The following MDGA2 variants were observed in gnomAD, a reference collection of about 807,000 sequenced individuals.
The protein encoded by MDGA2 is MAM domain containing glycosylphosphatidylinositol anchor 2.
Under a neutral mutation model 117.8 loss-of-function variants are expected in MDGA2, and 40 were observed. The ratio of observed to expected loss-of-function variants is 0.34; its 90% CI spans 0.26 to 0.44. The LOEUF (loss-of-function observed/expected upper bound fraction) is 0.44. MDGA2 is among the 20% of genes least tolerant of loss of function. The probability of loss-of-function intolerance (pLI) is 1.00; values close to 1 mark genes in which losing one functional copy is unlikely to be tolerated. For missense variants in MDGA2, 1,123 were observed against 1,250.6 expected, an observed-to-expected ratio of 0.90 and a Z score of 1.54; for synonymous variants, 452 against 439.0, an observed-to-expected ratio of 1.03 and a Z score of -0.37.
intron 1 of MDGA2, among the ~76,000 whole-genome samples, chr14:47,459,436 T>G (rs899291782): frequency 3.3e-5 from 5 of 151,742 alleles, no homozygotes; most frequent in Admixed American, 6.6e-5. Flanking sequence ...AATTGAGAGA[T>G]AGATTTTTCA....
At chr14:47,405,242 A>G (rs546429936) in intron 1 of MDGA2, among the ~76,000 whole-genome samples, 43 of 152,306 alleles carry the variant, frequency 2.8e-4, no homozygotes, top group South Asian at 1.0e-3. Flanking sequence ...TTCATCTTAC[A>G]GTTCTTAATT....
chr14:46,957,777 T>C, intron 8 of MDGA2, 134 bp from the exon 9 acceptor site: 2 of 984,670 alleles, frequency 2.0e-6, no homozygotes, highest in African/African-American at 1.6e-5. Flanking sequence ...ATGAAGAACA[T>C]ATTTAAGCCC....
intron 6 of MDGA2, among the ~76,000 whole-genome samples, chr14:47,092,545 C>T (rs1313006092): frequency 6.6e-6 from 1 of 152,086 alleles, no homozygotes; most frequent in Admixed American, 6.6e-5. Flanking sequence ...TTCTTCCAAA[C>T]CCAAGGTGGA....
intron 1 of MDGA2, among the ~76,000 whole-genome samples, chr14:47,380,961 A>G (rs1891607697): frequency 6.6e-6 from 1 of 152,190 alleles, no homozygotes; most frequent in Admixed American, 6.5e-5. Flanking sequence ...AAAATCCTCA[A>G]TAAAATACTG....
chr14:47,548,618 G>C (rs1346882817), intron 1 of MDGA2, among the ~76,000 whole-genome samples: 1 of 151,978 alleles, frequency 6.6e-6, no homozygotes, highest in Non-Finnish European at 1.5e-5. Flanking sequence ...GTGTATTGGA[G>C]GTGTGTTTTC....
chr14:46,955,221 A>G (rs756486730), intron 9 of MDGA2, among the ~76,000 whole-genome samples: 1 of 151,962 alleles, frequency 6.6e-6, no homozygotes, highest in East Asian at 1.9e-4. Context: ...AGTAATATAG[A>G]TAATACTTGG....
At chr14:46,905,948 G>A (rs1170556232) in intron 10 of MDGA2, among the ~76,000 whole-genome samples, 2 of 151,802 alleles carry the variant, frequency 1.3e-5, no homozygotes, top group South Asian at 2.1e-4. Context: ...TAAAATTGTT[G>A]AAAATTTAAA....
chr14:47,564,226 T>C (rs1409693593), intron 1 of MDGA2, among the ~76,000 whole-genome samples: 2 of 152,180 alleles, frequency 1.3e-5, no homozygotes, highest in Non-Finnish European at 2.9e-5. Flanking sequence ...GATGACTATA[T>C]GTCTTGGGGA....
intron 2 of MDGA2, among the ~76,000 whole-genome samples, chr14:47,256,598 T>C (rs1005563072): frequency 3.9e-5 from 6 of 152,166 alleles, no homozygotes; most frequent in Non-Finnish European, 7.3e-5. Flanking sequence ...AAAATGTCAT[T>C]TCTCTGGAAG....
intron 11 of MDGA2, among the ~76,000 whole-genome samples, chr14:46,881,632 C>A (rs1235322624): frequency 6.6e-6 from 1 of 152,000 alleles, no homozygotes; most frequent in African/African-American, 2.4e-5. Context: ...TTTCTGTAAA[C>A]CTTAAACTGC....
chr14:47,035,467 C>T (rs897839101), intron 7 of MDGA2, among the ~76,000 whole-genome samples, 163 bp from the exon 8 acceptor site: 3 of 152,204 alleles, frequency 2.0e-5, no homozygotes, highest in African/African-American at 7.2e-5. Flanking sequence ...CACTGAAAAT[C>T]ATTCTTAATT....
chr14:46,964,385 C>T lies in MDGA2; in HGVS notation c.1820-6742G>A, dbSNP rs548644142. On this transcript the variant is annotated intron_variant, in intron 8 of 16. Transcript: ENST00000399232. ...AATAACTGAAACAGATGCCTTCTAT[C>T]CTTCAAAAGTCAAGAGTCTGACACT... Among the ~76,000 whole-genome samples the T allele has an allele frequency of 2.3e-3, 352 of 152,248 alleles. 4 individuals carry two copies. Among genetic ancestry groups the T allele is most frequent in the African/African-American group, 7.0e-3 (290 of 41,538 alleles).
intron 3 of MDGA2, among the ~76,000 whole-genome samples, chr14:47,213,295 C>A (rs1885953157): frequency 6.6e-6 from 1 of 152,092 alleles, no homozygotes; most frequent in Admixed American, 6.5e-5. Flanking sequence ...ATTGTGCGGA[C>A]CTGTGCCATT....
chr14:47,532,681 G>A (rs1013078040), intron 1 of MDGA2, among the ~76,000 whole-genome samples: 3 of 152,066 alleles, frequency 2.0e-5, no homozygotes, highest in Non-Finnish European at 2.9e-5. Flanking sequence ...TTTTTCACAA[G>A]TCATACCACT....
At chr14:46,842,337 C>G (rs565738141) in intron 16 of MDGA2, among the ~76,000 whole-genome samples, 19 of 151,984 alleles carry the variant, frequency 1.3e-4, no homozygotes, top group African/African-American at 4.1e-4. Context: ...CACAGGAAAG[C>G]AGGAACATGG....
intron 3 of MDGA2, among the ~76,000 whole-genome samples, chr14:47,202,432 T>A (rs976846567): frequency 9.2e-5 from 14 of 152,082 alleles, no homozygotes; most frequent in Admixed American, 2.6e-4. Flanking sequence ...GATTTTTTTT[T>A]AAAAAGGGCC....
chr14:47,225,276 A>G (rs201890604), intron 2 of MDGA2, among the ~76,000 whole-genome samples: 5 of 152,010 alleles, frequency 3.3e-5, no homozygotes, highest in Admixed American at 1.3e-4. Flanking sequence ...ATCTAGAACT[A>G]GAAATACCAT....
intron 5 of MDGA2, among the ~76,000 whole-genome samples, chr14:47,119,181 CCCCCCCA>C (rs1269142303): frequency 1.7e-5 from 1 of 58,356 alleles, no homozygotes; most frequent in South Asian, 6.9e-4. Flanking sequence ...CCCGCCCCCC[CCCCCCCA>C]CCCCGTAGCT....
chr14:46,845,759 T>A lies in MDGA2; in HGVS notation c.2989+7A>T. The A allele has an allele frequency of 6.4e-7, 1 of 1,572,448 alleles. No homozygotes were observed. The highest frequency in any genetic ancestry group is 8.7e-7 in the Non-Finnish European group (1 of 1,143,304). Reference sequence around the variant, plus strand: ...ACAACAAACCAATCTCAAGCAAAGATACTTACTCTTAGTTGCTAGGTCTTG... The same window carrying A: ...ACAACAAACCAATCTCAAGCAAAGAAACTTACTCTTAGTTGCTAGGTCTTG... On this transcript the variant is annotated splice_region_variant and intron_variant, in intron 16 of 16. Transcript: ENST00000399232.
Sources: gnomAD v4.1 joint callset for allele counts (sites outside exome capture counted in the v4.1 genomes callset) on GRCh38, gnomAD v4.1.1 for gene constraint, MANE v1.5 for transcripts, NCBI Gene and HGNC (gene_info 2026-07-23, HGNC 2026-07-21) for gene names.